Variants in ANGPT1 observed in about 807,000 individuals in gnomAD.
The protein encoded by ANGPT1 is angiopoietin 1.
Under a neutral mutation model 62.2 loss-of-function variants are expected in ANGPT1, and 17 were observed. The observed-to-expected ratio is 0.27, with a 90% confidence interval of 0.19 to 0.41. ANGPT1 has a LOEUF of 0.41. Ranked by LOEUF, ANGPT1 falls within the 10% of genes least tolerant of loss-of-function variation. The pLI is 1.00. For missense variants in ANGPT1, 478 were observed against 594.9 expected (o/e 0.80, Z 2.04); for synonymous variants, 199 against 198.9 (o/e 1.00, Z 0.00).
intron 1 of ANGPT1, among the ~76,000 whole-genome samples, chr8:107,439,748 A>C (rs1264421466): frequency 6.6e-6 from 1 of 152,226 alleles, no homozygotes; most frequent in Non-Finnish European, 1.5e-5. Flanking sequence ...GATTTGAATA[A>C]AAGTATTCTG....
At chr8:107,348,308 T>A (rs1815856395) in intron 1 of ANGPT1, among the ~76,000 whole-genome samples, 1 of 152,224 alleles carries the variant, frequency 6.6e-6, no homozygotes, top group African/African-American at 2.4e-5. Flanking sequence ...AAAATTATTA[T>A]CATGTAATAA....
At chr8:107,281,955 A>C (rs1814016194) in intron 7 of ANGPT1, among the ~76,000 whole-genome samples, 1 of 151,916 alleles carries the variant, frequency 6.6e-6, no homozygotes, top group African/African-American at 2.4e-5. Context: ...GACAAAAAGC[A>C]CATGAGGCAG....
chr8:107,467,602 C>G (rs1294073919), intron 1 of ANGPT1, among the ~76,000 whole-genome samples: 1 of 151,938 alleles, frequency 6.6e-6, no homozygotes, highest in Non-Finnish European at 1.5e-5. Flanking sequence ...AGTAGAATGT[C>G]CTTGGGACAA....
At chr8:107,453,727 C>T (rs1811842128) in intron 1 of ANGPT1, among the ~76,000 whole-genome samples, 1 of 151,828 alleles carries the variant, frequency 6.6e-6, no homozygotes. Context: ...GGCTATTTAT[C>T]ATAAAAAATT....
intron 1 of ANGPT1, among the ~76,000 whole-genome samples, chr8:107,369,237 C>T (rs1583301): frequency 0.75 from 113,244 of 151,968 alleles, 43,055 homozygotes; most frequent in East Asian, 0.87. Flanking sequence ...TTTCCTTAAA[C>T]CTCATGAGCC....
intron 4 of ANGPT1, 148 bp from the exon 5 acceptor site, chr8:107,303,515 C>A: frequency 1.7e-6 from 1 of 592,500 alleles, no homozygotes; most frequent in South Asian, 3.8e-5. Context: ...AAAGACAATA[C>A]TAGATTTTGA....
At chr8:107,462,508 C>A (rs1221761694) in intron 1 of ANGPT1, among the ~76,000 whole-genome samples, 2 of 151,860 alleles carry the variant, frequency 1.3e-5, no homozygotes, top group South Asian at 2.1e-4. Flanking sequence ...ATGCATAAGA[C>A]CTTTACAAGT....
chr8:107,457,284 T>C (rs928248749), intron 1 of ANGPT1, among the ~76,000 whole-genome samples: 2 of 152,190 alleles, frequency 1.3e-5, no homozygotes, highest in African/African-American at 4.8e-5. Flanking sequence ...AGCAAAATAA[T>C]TAGCACATAT....
intron 1 of ANGPT1, among the ~76,000 whole-genome samples, chr8:107,449,297 C>G (rs1836031): frequency 1.3e-5 from 2 of 151,438 alleles, no homozygotes; most frequent in Non-Finnish European, 2.9e-5. Context: ...CATAAAGTAA[C>G]CTATTTAATG....
intron 1 of ANGPT1, among the ~76,000 whole-genome samples, chr8:107,488,486 C>A (rs193248739): frequency 1.3e-5 from 2 of 152,008 alleles, no homozygotes. Context: ...TAAACTTCTG[C>A]GGAATAATTC....
intron 8 of ANGPT1, 38 bp from the exon 9 acceptor site, chr8:107,252,053 G>T: frequency 1.9e-6 from 3 of 1,548,842 alleles, no homozygotes; most frequent in Admixed American, 1.8e-5. Flanking sequence ...AGAAGGAGAG[G>T]CAACAATTTT....
At chr8:107,447,142 C>CA (rs1417308786) in intron 1 of ANGPT1, among the ~76,000 whole-genome samples, 2 of 152,194 alleles carry the variant, frequency 1.3e-5, no homozygotes, top group Admixed American at 6.5e-5. Context: ...TATGATCCCT[C>CA]ACTGCATTAT....
rs542400443 is a variant in ANGPT1 at position 107,328,691 on chromosome 8, C to G, written c.576-6563G>C. On this transcript the variant is annotated intron_variant, in intron 3 of 8. Coordinates refer to ENST00000517746, the MANE Select transcript of ANGPT1 (RefSeq NM_001146.5). ...AGTATGTAGTCACAGAAAAAGAAATCTAGTCACAGAAGAAATGCAAATGGT... is the reference window on the plus strand; with the variant it reads ...AGTATGTAGTCACAGAAAAAGAAATGTAGTCACAGAAGAAATGCAAATGGT... Among the ~76,000 whole-genome samples the G allele has an allele frequency of 2.0e-5, 3 of 151,924 alleles. No homozygotes were observed. The South Asian group carries it at 6.2e-4, about 32-fold the overall frequency.
intron 8 of ANGPT1, among the ~76,000 whole-genome samples, chr8:107,255,658 T>C (rs1457252021): frequency 6.6e-6 from 1 of 152,202 alleles, no homozygotes; most frequent in Admixed American, 6.5e-5. Context: ...ATAATAAAGA[T>C]ACTAATGCTC....
chr8:107,337,182 G>A (rs1200956912), intron 2 of ANGPT1, among the ~76,000 whole-genome samples: 1 of 152,088 alleles, frequency 6.6e-6, no homozygotes, highest in Non-Finnish European at 1.5e-5. Context: ...GGAAGAGTGG[G>A]GTTTCAAACT....
intron 1 of ANGPT1, among the ~76,000 whole-genome samples, chr8:107,415,142 A>G (rs1166830913): frequency 1.3e-5 from 2 of 152,208 alleles, no homozygotes; most frequent in African/African-American, 4.8e-5. Flanking sequence ...AAAAAGGAGT[A>G]GTGCTAAAAT....
In ANGPT1 at chr8:107,492,591, C is replaced by T. The variant is rs757727967; in HGVS notation, c.297+4671G>A. ...ACCTCAGGTGATCTGCCCGCCTTGGCGTCCCAAAGTGCTGGGATTACAGGT... is the reference window on the plus strand; with the variant it reads ...ACCTCAGGTGATCTGCCCGCCTTGGTGTCCCAAAGTGCTGGGATTACAGGT... On this transcript the variant is annotated intron_variant, in intron 1 of 8. Coordinates refer to ENST00000517746, the MANE Select transcript of ANGPT1 (RefSeq NM_001146.5). 6.6e-4 allele frequency among the ~76,000 whole-genome samples: 100 copies of T among 151,476 alleles called. 2 individuals carry two copies. The highest frequency in any genetic ancestry group is 3.4e-3 in the Middle Eastern group (1 of 292).
intron 1 of ANGPT1, among the ~76,000 whole-genome samples, chr8:107,395,220 TG>T (rs1816912287): frequency 6.6e-6 from 1 of 152,142 alleles, no homozygotes; most frequent in Non-Finnish European, 1.5e-5. Flanking sequence ...TATTTCATGC[TG>T]GGGGATAGGA....
At chr8:107,459,241 C>T (rs759520694) in intron 1 of ANGPT1, among the ~76,000 whole-genome samples, 92 of 152,158 alleles carry the variant, frequency 6.0e-4, no homozygotes, top group Non-Finnish European at 9.7e-4. Context: ...AATTTTCAGT[C>T]AATAAAACAA....
Sources: allele counts gnomAD v4.1 joint callset (sites outside exome capture counted in the v4.1 genomes callset), GRCh38; gene constraint gnomAD v4.1.1; transcripts MANE v1.5; gene names NCBI Gene and HGNC (gene_info 2026-07-23, HGNC 2026-07-21).